The following CEP126 variants were observed in gnomAD, a reference collection of about 807,000 sequenced individuals.
CEP126 encodes the protein centrosomal protein 126, also known as centrosomal protein of 126 kDa.
A neutral mutation model predicts 107.8 loss-of-function variants in CEP126; 74 were observed. The ratio of observed to expected loss-of-function variants is 0.69; its 90% CI spans 0.57 to 0.83. CEP126 has a LOEUF of 0.83. CEP126 is among the 40% of genes least tolerant of loss of function. The probability of loss-of-function intolerance (pLI) is 0.00; values close to 1 mark genes in which losing one functional copy is unlikely to be tolerated. For missense variants in CEP126, 1,237 were observed against 1,281.9 expected (o/e 0.96, Z 0.53); for synonymous variants, 449 against 446.0 (o/e 1.01, Z -0.08).
intron 6 of CEP126, among the ~76,000 whole-genome samples, chr11:101,974,139 A>AACAC (rs112064654): frequency 3.4e-4 from 49 of 145,688 alleles, no homozygotes; most frequent in African/African-American, 1.2e-3. Flanking sequence ...TTCTTTGTTA[A>AACAC]ACACACACAC....
chr11:101,950,125 GA>G (rs1940791256), intron 4 of CEP126, among the ~76,000 whole-genome samples: 1 of 152,110 alleles, frequency 6.6e-6, no homozygotes, highest in Non-Finnish European at 1.5e-5. Context: ...ATCCAACATA[GA>G]AACAATGGGT....
At chr11:101,946,373 T>C (rs1940736519) in intron 3 of CEP126, among the ~76,000 whole-genome samples, 1 of 151,966 alleles carries the variant, frequency 6.6e-6, no homozygotes, top group South Asian at 2.1e-4. Context: ...CCAGGCATGG[T>C]AGTTCATGCC....
intron 6 of CEP126, among the ~76,000 whole-genome samples, chr11:101,964,527 G>A (rs536756971): frequency 2.0e-5 from 3 of 152,084 alleles, no homozygotes; most frequent in South Asian, 2.1e-4. Context: ...CTGCTGCCTG[G>A]GAGGAGGCAG....
chr11:101,956,381 G>T (rs1437315137), intron 4 of CEP126: 3 of 456,054 alleles, frequency 6.6e-6, no homozygotes, highest in Non-Finnish European at 1.3e-5. Flanking sequence ...TCCGTTGCCT[G>T]CACATCCTGC....
At chr11:101,964,405 C>T (rs867556811) in intron 6 of CEP126, among the ~76,000 whole-genome samples, 6 of 151,588 alleles carry the variant, frequency 4.0e-5, no homozygotes, top group South Asian at 2.1e-4. Context: ...GGCCAAGGCA[C>T]GCGGATTTAC....
chr11:101,955,016 G>A (rs1167885635), intron 4 of CEP126, among the ~76,000 whole-genome samples: 1 of 152,096 alleles, frequency 6.6e-6, no homozygotes, highest in Non-Finnish European at 1.5e-5. Flanking sequence ...AGGTATATCA[G>A]TAAGATTATT....
At chr11:101,960,181 C>T (rs1940952830) in intron 5 of CEP126, among the ~76,000 whole-genome samples, 1 of 151,772 alleles carries the variant, frequency 6.6e-6, no homozygotes, top group African/African-American at 2.4e-5. Flanking sequence ...CTAAATGTAA[C>T]TTATAAGCAA....
At chr11:101,946,634 G>T (rs554221655) in intron 3 of CEP126, among the ~76,000 whole-genome samples, 2 of 152,140 alleles carry the variant, frequency 1.3e-5, no homozygotes, top group Non-Finnish European at 2.9e-5. Flanking sequence ...GCTGAGGCGG[G>T]TGGACCACTG....
intron 6 of CEP126, 22 bp from the exon 7 acceptor site, chr11:101,978,325 A>G: frequency 6.6e-7 from 1 of 1,520,450 alleles, no homozygotes. Context: ...AATTTTTAAC[A>G]TTGTGCTGGC....
chr11:101,972,750 G>A (rs200852665), intron 6 of CEP126, among the ~76,000 whole-genome samples: 4 of 151,812 alleles, frequency 2.6e-5, no homozygotes, highest in African/African-American at 4.8e-5. Context: ...ATAGTGAGCC[G>A]AGATTGCGCC....
At chr11:101,937,718 C>T (rs113786246) in intron 2 of CEP126, among the ~76,000 whole-genome samples, 1,769 of 151,954 alleles carry the variant, frequency 0.012, 35 homozygotes, top group African/African-American at 0.041. Flanking sequence ...CTCTTTTAAA[C>T]GTTTGACAAA....
chr11:101,994,976 C>T (rs1261750168), intron 10 of CEP126, among the ~76,000 whole-genome samples: 1 of 151,406 alleles, frequency 6.6e-6, no homozygotes, highest in African/African-American at 2.4e-5. Flanking sequence ...CTGCACCCAT[C>T]AACCCATCAT....
chr11:101,948,113 C>T lies in CEP126; in HGVS notation c.477C>T (p.Pro159=). 1.2e-6 allele frequency: 2 copies of T among 1,609,204 alleles called. No individual in the cohort carries two copies. Among genetic ancestry groups the T allele is most frequent in the Non-Finnish European group, 8.5e-7 (1 of 1,176,256 alleles). ...ESNLKSEVNL[P]FSRRPTINWR... is the part of the protein sequence containing the mutation. Reference sequence around the variant, plus strand: ...ACTTAAAATCAGAAGTAAACCTTCCCTTTTCCCGTAGACCAACAATAAACT... The same window carrying T: ...ACTTAAAATCAGAAGTAAACCTTCCTTTTTCCCGTAGACCAACAATAAACT... The change falls in exon 4 of 11, where the codon CCC becomes CCT. Residue 159 remains proline, a synonymous_variant. Coordinates refer to ENST00000263468, the MANE Select transcript of CEP126 (RefSeq NM_020802.4).
intron 4 of CEP126, among the ~76,000 whole-genome samples, chr11:101,954,081 G>A (rs1940851838): frequency 6.6e-6 from 1 of 151,984 alleles, no homozygotes; most frequent in African/African-American, 2.4e-5. Flanking sequence ...AGGCTGGAGT[G>A]CAGTGGTGCA....
intron 2 of CEP126, among the ~76,000 whole-genome samples, chr11:101,926,991 G>A (rs982117091): frequency 1.3e-5 from 2 of 152,076 alleles, no homozygotes; most frequent in Non-Finnish European, 2.9e-5. Flanking sequence ...CTATCTTCTT[G>A]TAATTTCTCT....
At chr11:101,993,601 C>A (rs1268570457) in intron 10 of CEP126, among the ~76,000 whole-genome samples, 1 of 152,140 alleles carries the variant, frequency 6.6e-6, no homozygotes, top group African/African-American at 2.4e-5. Flanking sequence ...AATGGTACTT[C>A]TGTTTTAAGT....
intron 8 of CEP126, among the ~76,000 whole-genome samples, chr11:101,982,738 T>C (rs893764439): frequency 1.3e-5 from 2 of 152,202 alleles, no homozygotes; most frequent in African/African-American, 4.8e-5. Context: ...AATCTTCTGC[T>C]TACAAGTAGG....
Position 101,973,685 on chromosome 11 carries a change from A to G in CEP126, c.2846-4662A>G, listed in dbSNP as rs140177584. Among the ~76,000 whole-genome samples the G allele has an allele frequency of 3.8e-3, 583 of 152,258 alleles. 6 individuals carry two copies. The highest frequency in any genetic ancestry group is 0.013 in the African/African-American group (557 of 41,548). The stretch of plus-strand genomic sequence containing the variant: ...TTAAAATTTTTTTTAAAAAGCAATA[A>G]ATTAGGTTTTAATAAAAAGGCATAG... On this transcript the variant is annotated intron_variant, in intron 6 of 10. Transcript: ENST00000263468.
In CEP126 at chr11:101,978,459, T is replaced by G; in HGVS notation, c.2958T>G (p.Asn986Lys). ...SVGQKYSEQINNFGQSVLLSS... is the reference protein window; with the variant it reads ...SVGQKYSEQIKNFGQSVLLSS... ...GACAGAAGTACAGTGAGCAAATTAA[T>G]GTAAGTATGGTATTAATCAAAATCT... The change falls in exon 7 of 11, where the codon AAT (asparagine) becomes AAG (lysine). Residue 986 changes from asparagine (N) to lysine (K), a missense_variant and splice_region_variant. Asn to Lys is a moderately conservative substitution (Grantham distance 94). Coordinates refer to ENST00000263468, the MANE Select transcript of CEP126 (RefSeq NM_020802.4). 1 of 1,563,516 alleles carries G rather than the reference T, an allele frequency of 6.4e-7. No individual in the cohort carries two copies. The highest frequency in any genetic ancestry group is 8.8e-7 in the Non-Finnish European group (1 of 1,136,214).
Sources: gnomAD v4.1 joint callset for allele counts (sites outside exome capture counted in the v4.1 genomes callset) on GRCh38, gnomAD v4.1.1 for gene constraint, MANE v1.5 for transcripts, NCBI Gene and HGNC (gene_info 2026-07-23, HGNC 2026-07-21) for gene names.